ANK1: variants seen among roughly 807,000 people sequenced by gnomAD.
ANK1 encodes the protein ankyrin 1, also known as ankyrin-1.
In ANK1, 51 loss-of-function variants were observed where a neutral mutation model predicts 210.4. The observed-to-expected ratio is 0.24, with a 90% CI of 0.19 to 0.31. The LOEUF (loss-of-function observed/expected upper bound fraction) is 0.31, where lower values mean the gene tolerates loss of function less well. Among genes scored for constraint, ANK1 ranks in the 10% least tolerant of loss-of-function variants. ANK1 has a pLI of 1.00. For synonymous variants in ANK1, 967 were observed against 1,025.9 expected (o/e 0.94, Z 1.10); for missense variants, 2,051 against 2,504.4 (o/e 0.82, Z 3.86).
At chr8:41,772,698 C>T (rs1346481006) in intron 1 of ANK1, among the ~76,000 whole-genome samples, 1 of 152,192 alleles carries the variant, frequency 6.6e-6, no homozygotes. Flanking sequence ...TCAGTTGTGC[C>T]CCCACGCTCC....
At chr8:41,697,170 G>A (rs1481930336) in intron 24 of ANK1, among the ~76,000 whole-genome samples, 6 of 152,232 alleles carry the variant, frequency 3.9e-5, no homozygotes. Context: ...TCCCAGCACC[G>A]TGACCGCCTC....
In ANK1 at chr8:41,680,138, G is replaced by A. The variant is rs77404386; in HGVS notation, c.4537+4406C>T. On this transcript the variant is annotated intron_variant, in intron 37 of 42. Coordinates refer to ENST00000289734, the MANE Select transcript of ANK1 (RefSeq NM_000037.4). ...ACATTCCATCACTCCTTGGAATTGC[G>A]ATGAGACTTGAGAACTGGGAGAGGG... Among the ~76,000 whole-genome samples, 115 of 152,292 alleles carry A rather than the reference G, an allele frequency of 7.6e-4. 2 individuals carry two copies. The Middle Eastern group carries it at 0.014, about 18-fold the overall frequency.
At chr8:41,856,428 A>G (rs1812186551) in intron 1 of ANK1, among the ~76,000 whole-genome samples, 1 of 152,220 alleles carries the variant, frequency 6.6e-6, no homozygotes, top group Non-Finnish European at 1.5e-5. Context: ...GAAACTGCCT[A>G]GGATATTATA....
chr8:41,767,470 G>T (rs1241580858), intron 1 of ANK1, among the ~76,000 whole-genome samples: 1 of 151,514 alleles, frequency 6.6e-6, no homozygotes, highest in East Asian at 2.0e-4. Context: ...AGCAAGTTAC[G>T]CGGCATCTGG....
chr8:41,885,180 G>A lies in ANK1; in HGVS notation c.126+11175C>T, dbSNP rs558996895. On this transcript the variant is annotated intron_variant, in intron 1 of 42. Transcript: ENST00000265709. ...CAGTGAGGATGGTGAGTTCACTGGA[G>A]TTAGCCTTAAAAGTTCTTCCTGAGA... Among the ~76,000 whole-genome samples, 13 of 152,338 alleles carry A rather than the reference G, an allele frequency of 8.5e-5. No individual in the cohort carries two copies. The South Asian group carries it at 2.7e-3, about 32-fold the overall frequency.
chr8:41,802,492 C>G (rs994805592), upstream of ANK1, among the ~76,000 whole-genome samples: 1 of 152,178 alleles, frequency 6.6e-6, no homozygotes, highest in Non-Finnish European at 1.5e-5. Flanking sequence ...GGAGAACTCT[C>G]TCCTATGATC....
chr8:41,837,023 T>C (rs998445936), intron 1 of ANK1, among the ~76,000 whole-genome samples: 2 of 151,608 alleles, frequency 1.3e-5, no homozygotes, highest in African/African-American at 4.9e-5. Flanking sequence ...TTGTGTGACG[T>C]CCCCCCAAGG....
intron 37 of ANK1, among the ~76,000 whole-genome samples, chr8:41,684,186 C>G (rs530060820): frequency 6.6e-6 from 1 of 152,356 alleles, no homozygotes; most frequent in African/African-American, 2.4e-5. Flanking sequence ...AAAGAGCTAC[C>G]GGAAAGTCTG....
intron 14 of ANK1, 100 bp downstream of exon 14, chr8:41,715,552 T>G: frequency 6.9e-7 from 1 of 1,439,616 alleles, no homozygotes; most frequent in Non-Finnish European, 9.5e-7. Context: ...TGCAGCATCA[T>G]TGAGGTGACA....
chr8:41,838,795 G>C (rs1470991880), intron 1 of ANK1, among the ~76,000 whole-genome samples: 1 of 73,898 alleles, frequency 1.4e-5, no homozygotes, highest in Non-Finnish European at 2.6e-5. Flanking sequence ...TAATAATAAA[G>C]GCCGGGCGCG....
intron 1 of ANK1, among the ~76,000 whole-genome samples, chr8:41,848,455 G>T (rs546719271): frequency 6.6e-6 from 1 of 152,290 alleles, no homozygotes; most frequent in South Asian, 2.1e-4. Flanking sequence ...CAGCACCATT[G>T]GTCCCTGCAG....
intron 37 of ANK1, among the ~76,000 whole-genome samples, chr8:41,680,380 T>C (rs1050374607): frequency 6.6e-6 from 1 of 151,980 alleles, no homozygotes; most frequent in African/African-American, 2.4e-5. Context: ...CTGGCCAACA[T>C]GGTGAGATCC....
intron 1 of ANK1, among the ~76,000 whole-genome samples, chr8:41,778,724 G>T (rs1218552757): frequency 1.3e-5 from 2 of 152,214 alleles, no homozygotes; most frequent in Non-Finnish European, 2.9e-5. Context: ...AATGTCTCCC[G>T]TTGTGAGGTT....
At chr8:41,890,944 A>G (rs2150837646) in intron 1 of ANK1, among the ~76,000 whole-genome samples, 1 of 152,344 alleles carries the variant, frequency 6.6e-6, no homozygotes, top group South Asian at 2.1e-4. Context: ...ATGGTTATGT[A>G]CAAAGGCTCA....
chr8:41,844,979 G>C (rs1809744209), intron 1 of ANK1, among the ~76,000 whole-genome samples: 1 of 152,128 alleles, frequency 6.6e-6, no homozygotes, highest in Non-Finnish European at 1.5e-5. Flanking sequence ...ACCAGCCCCA[G>C]GATTGCAACG....
chr8:41,816,453 T>C (rs1414097951), intron 1 of ANK1, among the ~76,000 whole-genome samples: 1 of 152,190 alleles, frequency 6.6e-6, no homozygotes, highest in African/African-American at 2.4e-5. Flanking sequence ...TTTTTTCTTA[T>C]TTAGAGATAA....
At chr8:41,753,773 C>T (rs1446997740) in intron 2 of ANK1, among the ~76,000 whole-genome samples, 3 of 134,114 alleles carry the variant, frequency 2.2e-5, no homozygotes, top group Non-Finnish European at 3.2e-5. Context: ...TTGTGACTCT[C>T]GCCCCTACCT....
intron 9 of ANK1, among the ~76,000 whole-genome samples, chr8:41,720,195 T>G (rs1393719141): frequency 6.6e-6 from 1 of 152,222 alleles, no homozygotes; most frequent in South Asian, 2.1e-4. Context: ...CATAGCTAAC[T>G]TTTTAGGGGA....
At chr8:41,688,327 C>T in intron 34 of ANK1, 97 bp from the exon 35 acceptor site, 1 of 1,466,286 alleles carries the variant, frequency 6.8e-7, no homozygotes, top group Admixed American at 1.7e-5. Flanking sequence ...TCCGTGTGCA[C>T]TGGGGTGATT....
Sources: allele counts gnomAD v4.1 joint callset (sites outside exome capture counted in the v4.1 genomes callset), GRCh38; gene constraint gnomAD v4.1.1; transcripts MANE v1.5; gene names NCBI Gene and HGNC (gene_info 2026-07-23, HGNC 2026-07-21).